NGEF: variants seen among roughly 807,000 people sequenced by gnomAD.
The protein encoded by NGEF is ephexin-1.
In NGEF, 31 loss-of-function variants were observed where a neutral mutation model predicts 80.9. That is an observed-to-expected ratio of 0.38 (90% CI 0.29 to 0.52). The LOEUF (loss-of-function observed/expected upper bound fraction) is 0.52, where lower values mean the gene tolerates loss of function less well. Among genes scored for constraint, NGEF ranks in the 20% least tolerant of loss-of-function variants. The pLI, the probability that NGEF is intolerant of heterozygous loss-of-function variation, is 0.84. For missense variants in NGEF, 709 were observed against 926.2 expected (o/e 0.77, Z 3.04); for synonymous variants, 371 against 370.2 (o/e 1.00, Z -0.03).
chr2:232,891,232 G>T, intron 8 of NGEF, 126 bp downstream of exon 8: 3 of 1,269,840 alleles, frequency 2.4e-6, no homozygotes, highest in Non-Finnish European at 3.3e-6. Context: ...GAACGTGCTT[G>T]GCACACATGG....
At chr2:232,941,977 C>CTT (rs1304049621) in intron 3 of NGEF, among the ~76,000 whole-genome samples, 1 of 141,590 alleles carries the variant, frequency 7.1e-6, no homozygotes, top group Admixed American at 7.0e-5. Flanking sequence ...CATAAATCCA[C>CTT]ATATACAAGT....
In NGEF at chr2:232,914,617, T is replaced by C. The variant is rs137879061; in HGVS notation, c.828+5667A>G. Among the ~76,000 whole-genome samples the C allele has an allele frequency of 6.0e-3, 907 of 151,972 alleles. 11 individuals are homozygous for C. The highest frequency in any genetic ancestry group is 0.021 in the African/African-American group (880 of 41,454). On this transcript the variant is annotated intron_variant, in intron 5 of 14. Transcript: ENST00000264051. ...ACTTGGGAGGCTGAGGCACGAGAAT[T>C]GCTTGAACCCAGGAGGCTAAGGTTA...
intron 11 of NGEF, 115 bp from the exon 12 acceptor site, chr2:232,883,581 A>G (rs1691583999): frequency 9.4e-7 from 1 of 1,069,170 alleles, no homozygotes; most frequent in Non-Finnish European, 1.3e-6. Flanking sequence ...GCTGATCTTC[A>G]CCTCCTTCTG....
chr2:232,965,980 G>A (rs568822729), intron 3 of NGEF, among the ~76,000 whole-genome samples: 24 of 152,272 alleles, frequency 1.6e-4, no homozygotes, highest in South Asian at 1.5e-3. Flanking sequence ...CACCTGCATG[G>A]GTCTTGTATG....
intron 5 of NGEF, among the ~76,000 whole-genome samples, chr2:232,909,006 A>AAACCC (rs1280959606): frequency 3.9e-5 from 6 of 152,324 alleles, no homozygotes; most frequent in Admixed American, 6.5e-5. Context: ...TTTAAGTAGG[A>AAACCC]AACCGTAACT....
At chr2:232,883,702 T>A (rs73999707) in intron 11 of NGEF, among the ~76,000 whole-genome samples, 1 of 152,090 alleles carries the variant, frequency 6.6e-6, no homozygotes, top group African/African-American at 2.4e-5. Context: ...TACCGTGGCC[T>A]CCCTGCTGAG....
rs957086889 is a variant in NGEF at position 232,892,395 on chromosome 2, C to A, written c.1142+503G>T. Among the ~76,000 whole-genome samples, 3 of 152,196 alleles carry A rather than the reference C, an allele frequency of 2.0e-5. No individual in the cohort carries two copies. Among genetic ancestry groups the A allele is most frequent in the African/African-American group, 7.2e-5 (3 of 41,464 alleles). ...GTGCGCAGAATTCAGAAGAGGCACG[C>A]TGGCTGGAAAATTACCTTGTCAACT... On this transcript the variant is annotated intron_variant, in intron 7 of 14. Transcript: ENST00000264051. The surrounding 1 kb of genome is among the most constrained non-coding windows in gnomAD (Gnocchi z 4.0).
chr2:232,999,162 A>C (rs1017918132), intron 1 of NGEF, among the ~76,000 whole-genome samples: 1 of 152,122 alleles, frequency 6.6e-6, no homozygotes, highest in African/African-American at 2.4e-5. Context: ...TGAGATTATG[A>C]TGATGGGCAT....
At chr2:232,928,977 T>C (rs1267604339) in intron 3 of NGEF, among the ~76,000 whole-genome samples, 1 of 152,198 alleles carries the variant, frequency 6.6e-6, no homozygotes, top group African/African-American at 2.4e-5. Context: ...GGGATCATGC[T>C]GTCTGCTCAG....
intron 5 of NGEF, among the ~76,000 whole-genome samples, chr2:232,895,526 TA>T (rs569482466): frequency 0.32 from 43,531 of 137,992 alleles, 6,722 homozygotes; most frequent in Admixed American, 0.41. Flanking sequence ...GACTCTGTCT[TA>T]AAAAAAAAAA....
At chr2:232,930,163 G>C (rs1693189965) in intron 3 of NGEF, among the ~76,000 whole-genome samples, 1 of 152,082 alleles carries the variant, frequency 6.6e-6, no homozygotes, top group South Asian at 2.1e-4. Context: ...GTAAACAGCA[G>C]ACACATTTCT....
chr2:232,928,179 C>A, intron 3 of NGEF: 1 of 977,388 alleles, frequency 1.0e-6, no homozygotes. Flanking sequence ...CGCCTGGAGG[C>A]TCCCGGGGTT....
intron 1 of NGEF, among the ~76,000 whole-genome samples, chr2:232,996,496 C>T (rs555677831): frequency 1.3e-5 from 2 of 152,290 alleles, no homozygotes; most frequent in South Asian, 4.1e-4. Flanking sequence ...TATAGTCTTC[C>T]CTTGGTATCC....
In NGEF at chr2:232,891,451, C is replaced by G; in HGVS notation, c.1179G>C (p.Gln393His). Residue 393 changes from glutamine (Q) to histidine (H), a missense_variant, in exon 8 of 15, where the codon CAG becomes CAC. This residue lies in a region of NGEF where 426 missense variants were observed against 622.9 expected (regional missense o/e 0.68). Coordinates refer to ENST00000264051, the MANE Select transcript of NGEF (RefSeq NM_019850.3). ...EKAAFRELIA[Q>H]LELDPKCRGL... Reference sequence around the variant, plus strand: ...CCCTGCACTTGGGGTCGAGCTCTAGCTGCGCGATCAGCTCCCGGAAAGCTG... The same window carrying G: ...CCCTGCACTTGGGGTCGAGCTCTAGGTGCGCGATCAGCTCCCGGAAAGCTG... 6.2e-7 allele frequency: 1 copy of G among 1,613,364 alleles called. No homozygotes were observed.
At chr2:232,946,906 C>T (rs13413189) in intron 3 of NGEF, among the ~76,000 whole-genome samples, 4 of 144,962 alleles carry the variant, frequency 2.8e-5, no homozygotes, top group Non-Finnish European at 6.2e-5. Context: ...TAGTCATACT[C>T]GAAAACAAAA....
intron 5 of NGEF, among the ~76,000 whole-genome samples, chr2:232,913,101 T>A (rs1692723249): frequency 6.6e-6 from 1 of 152,246 alleles, no homozygotes; most frequent in Non-Finnish European, 1.5e-5. Flanking sequence ...GCTATTGTTT[T>A]GAAAGCTATC....
chr2:233,007,630 A>G (rs1472504325), intron 1 of NGEF, among the ~76,000 whole-genome samples: 2 of 152,326 alleles, frequency 1.3e-5, no homozygotes, highest in South Asian at 2.1e-4. Context: ...TATTTCTCCA[A>G]TGAATACACA....
intron 5 of NGEF, among the ~76,000 whole-genome samples, chr2:232,900,617 C>CTTAG (rs1692310240): frequency 6.8e-6 from 1 of 147,716 alleles, no homozygotes; most frequent in Non-Finnish European, 1.5e-5. Flanking sequence ...CTCACATACA[C>CTTAG]ACACGCTCTC....
At chr2:232,899,255 C>A (rs551945142) in intron 5 of NGEF, among the ~76,000 whole-genome samples, 2 of 140,988 alleles carry the variant, frequency 1.4e-5, no homozygotes, top group South Asian at 4.3e-4. Context: ...TGTGAACGTA[C>A]GTGTCACTAC....
Sources: allele counts gnomAD v4.1 joint callset (sites outside exome capture counted in the v4.1 genomes callset), GRCh38; gene constraint gnomAD v4.1.1; regional missense constraint gnomAD v4.1.1; non-coding constraint Gnocchi (gnomAD v3.1); transcripts MANE v1.5; gene names NCBI Gene and HGNC (gene_info 2026-07-23, HGNC 2026-07-21).